The following LSAMP variants were observed in gnomAD, a reference collection of about 807,000 sequenced individuals.
LSAMP encodes the protein limbic system-associated membrane protein.
LSAMP carries 7 observed loss-of-function variants against 38.6 expected under a neutral mutation model. That is an observed-to-expected ratio of 0.18 (90% confidence interval 0.10 to 0.34). LSAMP has a LOEUF of 0.34. Ranked by LOEUF, LSAMP falls within the 10% of genes least tolerant of loss-of-function variation. The pLI, the probability that LSAMP is intolerant of heterozygous loss-of-function variation, is 1.00. For missense variants in LSAMP, 313 were observed against 420.0 expected (o/e 0.75, Z 2.23); for synonymous variants, 154 against 166.8 (o/e 0.92, Z 0.59).
chr3:116,025,894 A>AATGGG (rs1370558050), intron 2 of LSAMP, among the ~76,000 whole-genome samples: 1 of 152,198 alleles, frequency 6.6e-6, no homozygotes, highest in Non-Finnish European at 1.5e-5. Flanking sequence ...TGAATTATTA[A>AATGGG]ATGGGTAATA....
chr3:116,064,822 T>A (rs894452548), intron 2 of LSAMP, among the ~76,000 whole-genome samples: 2 of 152,132 alleles, frequency 1.3e-5, no homozygotes, highest in Non-Finnish European at 2.9e-5. Context: ...TTGCATGGTA[T>A]CACACAACTA....
intron 1 of LSAMP, among the ~76,000 whole-genome samples, chr3:116,164,142 C>T (rs1479161864): frequency 6.6e-6 from 1 of 152,092 alleles, no homozygotes; most frequent in Non-Finnish European, 1.5e-5. Flanking sequence ...GGTAATAGTG[C>T]TTTTTAATCC....
At chr3:116,283,738 C>T (rs1179341273) in intron 1 of LSAMP, among the ~76,000 whole-genome samples, 2 of 152,146 alleles carry the variant, frequency 1.3e-5, no homozygotes, top group East Asian at 1.9e-4. Flanking sequence ...CGGTATGTGC[C>T]TAATGAAAAT....
At chr3:115,973,079 A>G (rs2107614394) in intron 3 of LSAMP, among the ~76,000 whole-genome samples, 1 of 152,142 alleles carries the variant, frequency 6.6e-6, no homozygotes, top group African/African-American at 2.4e-5. Flanking sequence ...GAGAAATGGG[A>G]GATAGATCTA....
intron 1 of LSAMP, among the ~76,000 whole-genome samples, chr3:116,166,563 A>T (rs577939457): frequency 6.6e-6 from 1 of 152,238 alleles, no homozygotes; most frequent in South Asian, 2.1e-4. Context: ...TATGCCTGTG[A>T]GTGTGTGTCT....
chr3:115,973,201 C>T (rs965795975), intron 3 of LSAMP, among the ~76,000 whole-genome samples: 2 of 152,112 alleles, frequency 1.3e-5, no homozygotes, highest in African/African-American at 4.8e-5. Flanking sequence ...AGGAGAATTA[C>T]ATGATTTAAA....
intron 1 of LSAMP, among the ~76,000 whole-genome samples, chr3:116,301,436 A>ACTT (rs1379317495): frequency 3.3e-5 from 5 of 152,218 alleles, no homozygotes; most frequent in Non-Finnish European, 7.3e-5. Context: ...GACTTAGAAC[A>ACTT]CTTATAATCA....
intron 3 of LSAMP, among the ~76,000 whole-genome samples, chr3:116,016,197 A>G (rs925687815): frequency 6.6e-6 from 1 of 152,160 alleles, no homozygotes; most frequent in African/African-American, 2.4e-5. Context: ...TTTAAAAACC[A>G]TGAAAACAAA....
At chr3:116,067,186 T>C (rs752691963) in intron 2 of LSAMP, among the ~76,000 whole-genome samples, 1 of 152,188 alleles carries the variant, frequency 6.6e-6, no homozygotes, top group Non-Finnish European at 1.5e-5. Flanking sequence ...TATATTCCTA[T>C]GATGCCTTAG....
At position 116,386,324 on chromosome 3, in the gene LSAMP, T is replaced by C. The variant is rs1268990875; in HGVS notation, c.155+58553A>G. ...GAATTTTCTGATTAAAAGAAAATGC[T>C]CATGCCTTTATATCTCCTACCTCCA... On this transcript the variant is annotated intron_variant, in intron 1 of 6. Transcript: ENST00000490035. 3.3e-5 allele frequency among the ~76,000 whole-genome samples: 5 copies of C among 152,274 alleles called. No homozygotes were observed. The South Asian group carries it at 8.3e-4, about 25-fold the overall frequency.
chr3:116,119,200 A>G (rs1390579431), intron 1 of LSAMP, among the ~76,000 whole-genome samples: 1 of 152,164 alleles, frequency 6.6e-6, no homozygotes, highest in African/African-American at 2.4e-5. Context: ...ACTCAGGTCA[A>G]CCTAAAAGTT....
chr3:116,426,461 C>A (rs1363239195), intron 1 of LSAMP, among the ~76,000 whole-genome samples: 12 of 85,512 alleles, frequency 1.4e-4, no homozygotes, highest in African/African-American at 4.8e-4. Flanking sequence ...AACTCCGTCT[C>A]AAAAAAAAAA....
At chr3:116,164,762 T>TATATATA (rs71999509) in intron 1 of LSAMP, among the ~76,000 whole-genome samples, 5 of 36,182 alleles carry the variant, frequency 1.4e-4, no homozygotes, top group African/African-American at 5.5e-4. Context: ...ATATATATAT[T>TATATATA]TTTTTTTTTT....
intron 1 of LSAMP, among the ~76,000 whole-genome samples, chr3:116,279,454 G>C (rs1160108597): frequency 6.6e-6 from 1 of 152,152 alleles, no homozygotes; most frequent in Non-Finnish European, 1.5e-5. Flanking sequence ...TATAACTCTA[G>C]TCTTTGACTA....
chr3:116,057,905 G>A (rs1266867844), intron 2 of LSAMP, among the ~76,000 whole-genome samples: 2 of 149,988 alleles, frequency 1.3e-5, no homozygotes, highest in African/African-American at 4.9e-5. Flanking sequence ...ATTCCCTTCA[G>A]CTTGAAGTTT....
intron 1 of LSAMP, among the ~76,000 whole-genome samples, chr3:116,141,073 A>G (rs1461735989): frequency 6.6e-6 from 1 of 151,984 alleles, no homozygotes; most frequent in Admixed American, 6.6e-5. Context: ...CCACTGTGTT[A>G]GAATTGATGA....
At chr3:116,327,954 T>C (rs747620159) in intron 1 of LSAMP, among the ~76,000 whole-genome samples, 1 of 152,142 alleles carries the variant, frequency 6.6e-6, no homozygotes, top group Non-Finnish European at 1.5e-5. Context: ...GTGATCAAGT[T>C]CTGACATTTC....
chr3:116,058,535 CTCTT>C (rs1559726360), intron 2 of LSAMP, among the ~76,000 whole-genome samples: 2 of 151,490 alleles, frequency 1.3e-5, no homozygotes, highest in Non-Finnish European at 1.5e-5. Context: ...AGTTTTAACA[CTCTT>C]TGAAGTTAAT....
chr3:116,306,136 T>C (rs2047482751), intron 1 of LSAMP, among the ~76,000 whole-genome samples: 1 of 152,030 alleles, frequency 6.6e-6, no homozygotes. Flanking sequence ...TATATAAAAG[T>C]AGGTACAATC....
Sources: gnomAD v4.1 joint callset for allele counts (sites outside exome capture counted in the v4.1 genomes callset) on GRCh38, gnomAD v4.1.1 for gene constraint, MANE v1.5 for transcripts, NCBI Gene and HGNC (gene_info 2026-07-23, HGNC 2026-07-21) for gene names.